The following BMPR1A variants were observed in gnomAD, a reference collection of about 807,000 sequenced individuals.
The protein encoded by BMPR1A is bone morphogenetic protein receptor type 1A.
BMPR1A carries 7 observed loss-of-function variants against 66.0 expected under a neutral mutation model. The observed-to-expected ratio is 0.11, with a 90% CI of 0.06 to 0.20. BMPR1A has a LOEUF of 0.20. BMPR1A is among the 10% of genes least tolerant of loss of function. BMPR1A has a pLI of 1.00. For missense variants in BMPR1A, 408 were observed against 669.1 expected (o/e 0.61, Z 4.31); for synonymous variants, 200 against 229.7 (o/e 0.87, Z 1.17).
At chr10:86,929,119 T>G (rs1385798298), downstream of BMPR1A, 1 of 152,180 alleles carries the variant, frequency 6.6e-6, no homozygotes, top group African/African-American at 2.4e-5. Context: ...TTCATTGTTT[T>G]GAAAAATAGA....
At chr10:86,847,223 A>T (rs1462809761) in intron 2 of BMPR1A, among the ~76,000 whole-genome samples, 3 of 152,062 alleles carry the variant, frequency 2.0e-5, no homozygotes, top group Admixed American at 6.6e-5. Context: ...TAGTGGGGAG[A>T]GCATGCCACA....
At chr10:86,809,297 C>CT (rs375404397) in intron 1 of BMPR1A, among the ~76,000 whole-genome samples, 31 of 142,600 alleles carry the variant, frequency 2.2e-4, no homozygotes, top group South Asian at 4.7e-4. Flanking sequence ...GCCCCCCTCC[C>CT]TTTTTTTTTT....
At chr10:86,910,490 G>A (rs1419421156) in intron 7 of BMPR1A, among the ~76,000 whole-genome samples, 2 of 152,184 alleles carry the variant, frequency 1.3e-5, no homozygotes, top group East Asian at 3.8e-4. Flanking sequence ...ATGCAGAACG[G>A]CATCAGTGTC....
intron 1 of BMPR1A, among the ~76,000 whole-genome samples, chr10:86,800,019 A>C (rs1841789672): frequency 6.6e-6 from 1 of 152,202 alleles, no homozygotes; most frequent in African/African-American, 2.4e-5. Flanking sequence ...AGAATAGTAG[A>C]TGAACCATGA....
intron 2 of BMPR1A, among the ~76,000 whole-genome samples, chr10:86,840,576 A>G (rs1439544262): frequency 6.6e-6 from 1 of 151,854 alleles, no homozygotes. Flanking sequence ...AATTATCTCT[A>G]AAATGATCTC....
At chr10:86,919,035 C>T (rs1054113181) in intron 9 of BMPR1A, 137 bp from the exon 10 acceptor site, 40 of 860,858 alleles carry the variant, frequency 4.6e-5, no homozygotes, top group South Asian at 4.0e-4. Flanking sequence ...AACACATTCA[C>T]GACTTGGTGT....
At chr10:86,800,870 A>G (rs926980099) in intron 1 of BMPR1A, among the ~76,000 whole-genome samples, 1 of 152,256 alleles carries the variant, frequency 6.6e-6, no homozygotes, top group African/African-American at 2.4e-5. Context: ...GAATTCAGAC[A>G]TTGAAAGGGA....
intron 4 of BMPR1A, 149 bp from the exon 5 acceptor site, chr10:86,891,978 G>A (rs745967033): frequency 2.0e-5 from 13 of 663,482 alleles, no homozygotes; most frequent in Admixed American, 8.7e-5. Context: ...AACCTCTGGC[G>A]TTGCCAATAA....
chr10:86,764,549 C>G (rs1468893000), intron 1 of BMPR1A, among the ~76,000 whole-genome samples: 4 of 152,184 alleles, frequency 2.6e-5, no homozygotes, highest in Non-Finnish European at 5.9e-5. Context: ...TGGTCATCAT[C>G]CCTATTTGTT....
chr10:86,835,020 G>A lies in BMPR1A; in HGVS notation c.-267-3845G>A, dbSNP rs113239305. On this transcript the variant is annotated intron_variant, in intron 1 of 12. Coordinates refer to ENST00000372037, the MANE Select transcript of BMPR1A (RefSeq NM_004329.3). ...AAGGAAAAAATGTGCAATCAGTGTT[G>A]TTGATTCCACCGAATTCTAAGAATT... Among the ~76,000 whole-genome samples, 923 of 152,100 alleles carry A rather than the reference G, an allele frequency of 6.1e-3. 14 individuals carry two copies. The highest frequency in any genetic ancestry group is 0.02 in the African/African-American group (847 of 41,504).
intron 1 of BMPR1A, among the ~76,000 whole-genome samples, chr10:86,821,724 T>C (rs954964737): frequency 1.3e-5 from 2 of 152,172 alleles, no homozygotes; most frequent in African/African-American, 4.8e-5. Context: ...AACGTTGACT[T>C]GATGATAAGG....
At chr10:86,841,954 A>G (rs1342318277) in intron 2 of BMPR1A, among the ~76,000 whole-genome samples, 4 of 152,212 alleles carry the variant, frequency 2.6e-5, no homozygotes, top group African/African-American at 9.7e-5. Flanking sequence ...ACATCTCTTT[A>G]TCTGTCCTTT....
At chr10:86,845,424 G>A (rs1481728576) in intron 2 of BMPR1A, among the ~76,000 whole-genome samples, 3 of 152,136 alleles carry the variant, frequency 2.0e-5, no homozygotes, top group Admixed American at 1.3e-4. Flanking sequence ...CTTTAACTCC[G>A]GCAGGTCTGT....
chr10:86,778,294 A>C (rs1841384482), intron 1 of BMPR1A, among the ~76,000 whole-genome samples: 1 of 151,706 alleles, frequency 6.6e-6, no homozygotes, highest in Non-Finnish European at 1.5e-5. Flanking sequence ...GTTTTATTTA[A>C]TTTTTTTATT....
chr10:86,908,695 G>T (rs1346578350), intron 7 of BMPR1A, among the ~76,000 whole-genome samples: 1 of 152,222 alleles, frequency 6.6e-6, no homozygotes, highest in Non-Finnish European at 1.5e-5. Context: ...GCTGTTGCGT[G>T]TTATTCACAT....
intron 1 of BMPR1A, among the ~76,000 whole-genome samples, chr10:86,833,186 A>G (rs2133078172): frequency 6.6e-6 from 1 of 152,304 alleles, no homozygotes; most frequent in Non-Finnish European, 1.5e-5. Context: ...TCAGCAATGT[A>G]TGCGGGTTCC....
chr10:86,782,994 G>T (rs1313049428), intron 1 of BMPR1A, among the ~76,000 whole-genome samples: 1 of 151,954 alleles, frequency 6.6e-6, no homozygotes, highest in Non-Finnish European at 1.5e-5. Context: ...CTAGTTTTAT[G>T]GTTTCAGGTC....
At chr10:86,855,430 T>C in intron 2 of BMPR1A, 2 of 665,126 alleles carry the variant, frequency 3.0e-6, no homozygotes, top group East Asian at 5.3e-5. Flanking sequence ...CTCCATACTT[T>C]TCTTATGCCT....
At chr10:86,802,037 T>C (rs1466432955) in intron 1 of BMPR1A, among the ~76,000 whole-genome samples, 3 of 152,122 alleles carry the variant, frequency 2.0e-5, no homozygotes, top group Non-Finnish European at 4.4e-5. Context: ...TATTCTCTTG[T>C]CCACCACAGT....
Sources: gnomAD v4.1 joint callset for allele counts (sites outside exome capture counted in the v4.1 genomes callset) on GRCh38, gnomAD v4.1.1 for gene constraint, MANE v1.5 for transcripts, NCBI Gene and HGNC (gene_info 2026-07-23, HGNC 2026-07-21) for gene names.